Variants in CHD6 observed in about 807,000 individuals in gnomAD.
CHD6 encodes the protein ATP-dependent chromatin remodeler CHD6.
Under a neutral mutation model 276.9 loss-of-function variants are expected in CHD6, and 50 were observed. The ratio of observed to expected loss-of-function variants is 0.18; its 90% CI spans 0.14 to 0.23. CHD6 has a LOEUF of 0.23. CHD6 is among the 10% of genes least tolerant of loss of function. CHD6 has a pLI of 1.00. For synonymous variants in CHD6, 1,173 were observed against 1,229.3 expected (o/e 0.95, Z 0.96); for missense variants, 2,564 against 3,365.8 (o/e 0.76, Z 5.89).
chr20:41,505,224 A>G (rs184792475), intron 5 of CHD6, among the ~76,000 whole-genome samples: 1 of 152,338 alleles, frequency 6.6e-6, no homozygotes, highest in Non-Finnish European at 1.5e-5. Flanking sequence ...ATTTTGTGGT[A>G]GGTCCATTCC....
chr20:41,420,744 A>C lies in CHD6; in HGVS notation c.5891T>G (p.Ile1964Ser). The change falls in exon 31 of 37, where the codon ATC becomes AGC. Residue 1964 changes from isoleucine (I) to serine (S), a missense_variant. This residue lies in a region of CHD6 where 1,024 missense variants were observed against 1,047.9 expected (regional missense o/e 0.98). Transcript: ENST00000373233. Reference protein sequence around the residue: ...EFEIEKPKAYIPDLFKSKTNT... With the variant: ...EFEIEKPKAYSPDLFKSKTNT... ...GGTTTTACTTTTGAACAGATCTGGG[A>C]TATAAGCCTTGGGTTTCTCGATTTC... The C allele has an allele frequency of 1.2e-6, 2 of 1,614,226 alleles. No individual in the cohort carries two copies. Among genetic ancestry groups the C allele is most frequent in the South Asian group, 1.1e-5 (1 of 91,088 alleles).
intron 28 of CHD6, among the ~76,000 whole-genome samples, chr20:41,425,800 CA>C (rs926378086): frequency 2.7e-5 from 4 of 149,138 alleles, no homozygotes; most frequent in Non-Finnish European, 4.5e-5. Context: ...AAAAAAAAAA[CA>C]AAAAAAACAA....
intron 5 of CHD6, among the ~76,000 whole-genome samples, chr20:41,509,997 C>T (rs1601042336): frequency 6.6e-6 from 1 of 152,260 alleles, no homozygotes; most frequent in East Asian, 1.9e-4. Context: ...GGCCAGCAGT[C>T]ACAGAATTGC....
intron 10 of CHD6, among the ~76,000 whole-genome samples, chr20:41,492,176 A>G (rs1426889895): frequency 6.6e-6 from 1 of 152,210 alleles, no homozygotes; most frequent in Non-Finnish European, 1.5e-5. Flanking sequence ...TCCTGAGGGC[A>G]GGGCCTGTAC....
At position 41,440,072 on chromosome 20, in the gene CHD6, A is replaced by G. The variant is rs768904734; in HGVS notation, c.3935T>C (p.Val1312Ala). ...ADPALCFLEKVGMPDEKSLSA... is the reference protein window; with the variant it reads ...ADPALCFLEKAGMPDEKSLSA... Reference sequence around the variant, plus strand: ...AAGGGACTTCTCATCGGGCATCCCAACTTTCTCCAGGAAGCAAAGTGCTGG... The same window carrying G: ...AAGGGACTTCTCATCGGGCATCCCAGCTTTCTCCAGGAAGCAAAGTGCTGG... The change falls in exon 26 of 37, where the codon GTT becomes GCT. Residue 1312 changes from valine to alanine, a missense_variant. Val to Ala is a moderately conservative substitution (Grantham distance 64). Transcript: ENST00000373233. 6.2e-7 allele frequency: 1 copy of G among 1,614,034 alleles called. No individual in the cohort carries two copies. Among genetic ancestry groups the G allele is most frequent in the African/African-American group, 1.3e-5 (1 of 75,030 alleles).
At chr20:41,424,172 G>T (rs2047287396) in intron 29 of CHD6, among the ~76,000 whole-genome samples, 1 of 152,172 alleles carries the variant, frequency 6.6e-6, no homozygotes. Flanking sequence ...GTGTCCCGAA[G>T]GGAAGTGACT....
chr20:41,417,115 A>T, intron 32 of CHD6, 83 bp downstream of exon 32: 1 of 1,280,980 alleles, frequency 7.8e-7, no homozygotes. Flanking sequence ...CTTGTTCAGA[A>T]CTATTTCTAA....
At chr20:41,521,023 A>G (rs1422575908) in intron 3 of CHD6, among the ~76,000 whole-genome samples, 1 of 152,178 alleles carries the variant, frequency 6.6e-6, no homozygotes, top group African/African-American at 2.4e-5. Context: ...TCTACCTGCA[A>G]GGGGTAGGGG....
At chr20:41,478,933 C>T (rs1051519103) in intron 16 of CHD6, among the ~76,000 whole-genome samples, 1 of 152,122 alleles carries the variant, frequency 6.6e-6, no homozygotes, top group Non-Finnish European at 1.5e-5. Flanking sequence ...CAGACAAGAA[C>T]TTTAAAGCTG....
intron 1 of CHD6, among the ~76,000 whole-genome samples, chr20:41,579,369 T>C (rs1227642142): frequency 3.6e-5 from 5 of 137,116 alleles, no homozygotes; most frequent in Admixed American, 1.6e-4. Flanking sequence ...GCCCAGGAGG[T>C]AGAGGTTGCA....
At chr20:41,426,910 A>G (rs1160464244) in intron 27 of CHD6, among the ~76,000 whole-genome samples, 1 of 152,188 alleles carries the variant, frequency 6.6e-6, no homozygotes, top group Admixed American at 6.5e-5. Context: ...TCTAATTTCA[A>G]CACTAAAACT....
chr20:41,420,988 C>A lies in CHD6; in HGVS notation c.5647G>T (p.Gly1883Cys). The A allele has an allele frequency of 1.2e-6, 2 of 1,614,156 alleles. No homozygotes were observed. Among genetic ancestry groups the A allele is most frequent in the Middle Eastern group, 1.6e-4 (1 of 6,062 alleles). ...NEEENLAMAV[G>C]MGERPEVLHL... ...AATACCTCTGGCCTTTCCCCCATGC[C>A]TACTGCCATGGCTAAGTTTTCCTCC... Residue 1883 changes from glycine to cysteine, a missense_variant, in exon 31 of 37, where the codon GGC (glycine) becomes TGC (cysteine). Gly to Cys is a radical substitution (Grantham distance 159, BLOSUM62 -3). Around this residue, in one of 7 missense-constraint regions of CHD6, gnomAD observed 1,024 missense variants for 1,047.9 expected, o/e 0.98. Coordinates refer to ENST00000373233, the MANE Select transcript of CHD6 (RefSeq NM_032221.5).
At chr20:41,476,106 A>G (rs2043162767) in intron 16 of CHD6, among the ~76,000 whole-genome samples, 1 of 152,124 alleles carries the variant, frequency 6.6e-6, no homozygotes, top group African/African-American at 2.4e-5. Context: ...TTAAATGGGA[A>G]CAAAACCAAA....
Position 41,405,401 on chromosome 20 carries a change from C to T in CHD6, c.7340G>A (p.Arg2447Gln), listed in dbSNP as rs759871391. The stretch of plus-strand genomic sequence containing the variant: ...GGAAGGAGCCTTCAGGAGTTCGCTC[C>T]GAGGCCGCCTCCCCCTCCTGCGGGG... Reference protein sequence around the residue: ...TGPRRRGRRPRSELLKAPSIV... With the variant: ...TGPRRRGRRPQSELLKAPSIV... The change falls in exon 37 of 37, where the codon CGG becomes CAG. Residue 2447 changes from arginine to glutamine, a missense_variant. Arg to Gln is a conservative substitution (Grantham distance 43, BLOSUM62 1). This residue lies in a region of CHD6 where 1,024 missense variants were observed against 1,047.9 expected (regional missense o/e 0.98). Transcript: ENST00000373233. 4.7e-5 allele frequency: 76 copies of T among 1,613,548 alleles called. No individual in the cohort carries two copies. Among genetic ancestry groups the T allele is most frequent in the Admixed American group, 6.7e-5 (4 of 59,998 alleles).
At position 41,541,692 on chromosome 20, in the gene CHD6, C is replaced by G. The variant is rs184815623; in HGVS notation, c.34-8122G>C. Among the ~76,000 whole-genome samples the G allele has an allele frequency of 3.3e-5, 5 of 152,284 alleles. No homozygotes were observed. In the East Asian group the frequency reaches 5.8e-4, roughly 18 times the overall value. On this transcript the variant is annotated intron_variant, in intron 2 of 36. Coordinates refer to ENST00000373233, the MANE Select transcript of CHD6 (RefSeq NM_032221.5). ...CTGAAGCCTGAAGAAGAGAGCATTT[C>G]AAGACAGAATCATCGCAGGTGTCAA...
chr20:41,427,080 G>A (rs117566157), intron 27 of CHD6, among the ~76,000 whole-genome samples: 1,818 of 152,036 alleles, frequency 0.012, 19 homozygotes, highest in South Asian at 0.033. Context: ...TGGTTCTTAC[G>A]TTTTTAAAGG....
At chr20:41,491,971 C>T in intron 10 of CHD6, 152 bp from the exon 11 acceptor site, 1 of 761,966 alleles carries the variant, frequency 1.3e-6, no homozygotes, top group Non-Finnish European at 2.1e-6. Flanking sequence ...GTTGGGGGAA[C>T]TAAGTAGGAG....
intron 14 of CHD6, 117 bp downstream of exon 14, chr20:41,487,548 C>T (rs913285346): frequency 2.5e-5 from 24 of 969,456 alleles, no homozygotes; most frequent in African/African-American, 6.6e-5. Context: ...AAGGAGGTAA[C>T]GCTCATTTTA....
chr20:41,617,612 G>C (rs1331891876), intron 1 of CHD6, among the ~76,000 whole-genome samples: 1 of 152,206 alleles, frequency 6.6e-6, no homozygotes, highest in Non-Finnish European at 1.5e-5. Flanking sequence ...CCTTGAAGAG[G>C]ACAGATAGAT....
Sources: gnomAD v4.1 joint callset for allele counts (sites outside exome capture counted in the v4.1 genomes callset) on GRCh38, gnomAD v4.1.1 for gene constraint, gnomAD v4.1.1 regional missense constraint, MANE v1.5 for transcripts, NCBI Gene and HGNC (gene_info 2026-07-23, HGNC 2026-07-21) for gene names.